Variants in RAD51B observed in about 807,000 individuals in gnomAD.
RAD51B encodes DNA repair protein RAD51 homolog 2.
Under a neutral mutation model 42.2 loss-of-function variants are expected in RAD51B, and 38 were observed. The observed-to-expected ratio is 0.90, with a 90% CI of 0.70 to 1.18. The LOEUF is 1.18. Ranked by LOEUF, RAD51B falls within the 50% of genes most tolerant of loss-of-function variation. RAD51B has a pLI of 0.00. For synonymous variants in RAD51B, 154 were observed against 145.2 expected (o/e 1.06, Z -0.43); for missense variants, 373 against 400.7 (o/e 0.93, Z 0.59).
intron 3 of RAD51B, among the ~76,000 whole-genome samples, chr14:67,830,550 C>T (rs954288432): frequency 6.6e-6 from 1 of 152,014 alleles, no homozygotes; most frequent in Non-Finnish European, 1.5e-5. Flanking sequence ...TACAGACATG[C>T]ACCATCACAC....
chr14:68,508,281 A>G (rs188619551), intron 10 of RAD51B, among the ~76,000 whole-genome samples: 1 of 152,244 alleles, frequency 6.6e-6, no homozygotes, highest in East Asian at 1.9e-4. Flanking sequence ...ACCTCTGAAC[A>G]ATAGCAGGAC....
chr14:67,833,284 G>A (rs1166699346), intron 3 of RAD51B, among the ~76,000 whole-genome samples: 1 of 152,192 alleles, frequency 6.6e-6, no homozygotes, highest in African/African-American at 2.4e-5. Flanking sequence ...GCTGAGGCAG[G>A]AGAATTGCTT....
At chr14:68,660,308 A>G (rs1892906516) in intron 11 of RAD51B, among the ~76,000 whole-genome samples, 1 of 152,250 alleles carries the variant, frequency 6.6e-6, no homozygotes. Context: ...AGTAGCTTTT[A>G]GTTTGTGAAT....
chr14:68,094,508 A>G (rs1426101465), intron 7 of RAD51B, among the ~76,000 whole-genome samples: 1 of 152,224 alleles, frequency 6.6e-6, no homozygotes, highest in Admixed American at 6.5e-5. Context: ...ACACACACAT[A>G]TATGTAAAAC....
At chr14:68,377,610 C>G (rs560528955) in intron 8 of RAD51B, among the ~76,000 whole-genome samples, 59 of 152,344 alleles carry the variant, frequency 3.9e-4, no homozygotes, top group African/African-American at 1.4e-3. Flanking sequence ...TTCTCGCCTC[C>G]ATCTGCTTCC....
chr14:68,469,220 G>C lies in RAD51B; in HGVS notation c.1036+970G>C. 5.4e-6 allele frequency: 2 copies of C among 367,902 alleles called. 1 individual carries two copies. Among genetic ancestry groups the C allele is most frequent in the South Asian group, 4.0e-5 (2 of 49,622 alleles). 22.8% of individuals were successfully genotyped at this position (367,902 alleles called of 1,614,324 possible). The stretch of plus-strand genomic sequence containing the variant: ...ATTTATAAGTTAAATATTTTTCCCA[G>C]GTTTATGAAACAGGGCAGTCCCTGT... On this transcript the variant is annotated intron_variant, in intron 10 of 10. Transcript: ENST00000471583.
At chr14:68,510,387 C>T (rs1885644591) in intron 10 of RAD51B, among the ~76,000 whole-genome samples, 1 of 152,022 alleles carries the variant, frequency 6.6e-6, no homozygotes, top group African/African-American at 2.4e-5. Context: ...AGGCTGGGGG[C>T]GGGGGAGTGG....
At chr14:68,538,835 C>T (rs545570869) in intron 10 of RAD51B, among the ~76,000 whole-genome samples, 27 of 152,266 alleles carry the variant, frequency 1.8e-4, no homozygotes, top group Non-Finnish European at 3.1e-4. Flanking sequence ...CCTGATTGGC[C>T]ACAGTTCCCA....
intron 7 of RAD51B, among the ~76,000 whole-genome samples, chr14:68,143,466 G>A (rs2140736793): frequency 6.6e-6 from 1 of 152,324 alleles, no homozygotes; most frequent in South Asian, 2.1e-4. Context: ...GTGACAGTGA[G>A]CAAAACATTG....
chr14:68,562,087 T>A (rs537737952), intron 10 of RAD51B: 2 of 985,428 alleles, frequency 2.0e-6, no homozygotes, highest in South Asian at 9.4e-5. Context: ...ATAACTGTCC[T>A]AGAAAGCTTT....
chr14:68,222,526 G>A (rs911736636), intron 7 of RAD51B, among the ~76,000 whole-genome samples: 16 of 144,186 alleles, frequency 1.1e-4, no homozygotes, highest in African/African-American at 4.3e-4. Context: ...GGACTTGCGG[G>A]AAAAGGTTGG....
At chr14:67,915,050 G>T in intron 7 of RAD51B, among the ~76,000 whole-genome samples, 1 of 152,122 alleles carries the variant, frequency 6.6e-6, no homozygotes, top group East Asian at 1.9e-4. Context: ...CATAAAGATG[G>T]GAGCAGTAGA....
At chr14:68,422,218 C>T in intron 9 of RAD51B, 1 of 995,416 alleles carries the variant, frequency 1.0e-6, no homozygotes, top group East Asian at 2.4e-5. Context: ...CACGGTTTTC[C>T]TCAGCGGTGG....
At chr14:68,539,130 A>G (rs1368265287) in intron 10 of RAD51B, among the ~76,000 whole-genome samples, 1 of 152,226 alleles carries the variant, frequency 6.6e-6, no homozygotes, top group Non-Finnish European at 1.5e-5. Context: ...AATCATTAAA[A>G]CAACAGCTAG....
intron 3 of RAD51B, among the ~76,000 whole-genome samples, chr14:67,833,077 A>G (rs1354986424): frequency 6.6e-6 from 1 of 152,162 alleles, no homozygotes; most frequent in African/African-American, 2.4e-5. Context: ...CACCAAGGAT[A>G]AGAAAGGAGA....
At chr14:68,609,434 T>C (rs988291834) in intron 10 of RAD51B, among the ~76,000 whole-genome samples, 3 of 152,002 alleles carry the variant, frequency 2.0e-5, no homozygotes, top group Non-Finnish European at 2.9e-5. Context: ...TGGAGTCTCC[T>C]CTCACCCCCC....
At chr14:67,906,431 T>C (rs943528903) in intron 7 of RAD51B, among the ~76,000 whole-genome samples, 1 of 152,124 alleles carries the variant, frequency 6.6e-6, no homozygotes, top group African/African-American at 2.4e-5. Context: ...AGGGAGTCCT[T>C]CCTTCTGGAT....
At chr14:68,180,707 G>C (rs1180123428) in intron 7 of RAD51B, among the ~76,000 whole-genome samples, 1 of 152,182 alleles carries the variant, frequency 6.6e-6, no homozygotes, top group Non-Finnish European at 1.5e-5. Flanking sequence ...AAGTAGCTGG[G>C]AATGGAGAAA....
At chr14:68,549,577 G>A (rs575520378) in intron 10 of RAD51B, among the ~76,000 whole-genome samples, 11 of 150,290 alleles carry the variant, frequency 7.3e-5, no homozygotes, top group Admixed American at 2.0e-4. Context: ...CACCATGCCC[G>A]GCTAATTTTT....
Sources: gnomAD v4.1 joint callset for allele counts (sites outside exome capture counted in the v4.1 genomes callset) on GRCh38, gnomAD v4.1.1 for gene constraint, MANE v1.5 for transcripts, NCBI Gene and HGNC (gene_info 2026-07-23, HGNC 2026-07-21) for gene names.